Variants in KLRF1 observed in about 807,000 individuals in gnomAD.
The protein encoded by KLRF1 is killer cell lectin like receptor F1.
A neutral mutation model predicts 30.7 loss-of-function variants in KLRF1; 27 were observed. The observed-to-expected ratio is 0.88, with a 90% CI of 0.65 to 1.21. The LOEUF is 1.21. KLRF1 is among the 50% of genes most tolerant of loss of function. The probability of loss-of-function intolerance (pLI) is 0.00; values close to 1 mark genes in which losing one functional copy is unlikely to be tolerated. For missense variants in KLRF1, 246 were observed against 259.3 expected, an observed-to-expected ratio of 0.95 and a Z score of 0.35; for synonymous variants, 92 against 89.3, an observed-to-expected ratio of 1.03 and a Z score of -0.17.
chr12:9,830,790 A>G (rs866161852), intron 1 of KLRF1, among the ~76,000 whole-genome samples: 4 of 152,024 alleles, frequency 2.6e-5, no homozygotes, highest in Admixed American at 6.6e-5. Context: ...ACAGACATTC[A>G]TAAGACTGAT....
At chr12:9,844,037 C>A (rs765042999) in intron 5 of KLRF1, among the ~76,000 whole-genome samples, 1 of 152,154 alleles carries the variant, frequency 6.6e-6, no homozygotes, top group South Asian at 2.1e-4. Flanking sequence ...AACTGCTAAA[C>A]AATATCATGA....
At chr12:9,807,740 CT>C in the KLRF1 span, among the ~76,000 whole-genome samples, 3 of 152,076 alleles carry the variant, frequency 2.0e-5, no homozygotes. Flanking sequence ...CTATCAATGG[CT>C]TTTCTCAGTT....
the KLRF1 span, among the ~76,000 whole-genome samples, chr12:9,820,960 C>T: frequency 6.6e-6 from 1 of 152,144 alleles, no homozygotes; most frequent in African/African-American, 2.4e-5. Context: ...AGAATGGTTG[C>T]CCCATACATG....
At chr12:9,831,241 A>G (rs1867419230) in intron 1 of KLRF1, among the ~76,000 whole-genome samples, 1 of 152,136 alleles carries the variant, frequency 6.6e-6, no homozygotes, top group Non-Finnish European at 1.5e-5. Context: ...TTCAAAAATA[A>G]TCTCAGAAAT....
At chr12:9,811,938 T>A in the KLRF1 span, among the ~76,000 whole-genome samples, 1 of 152,192 alleles carries the variant, frequency 6.6e-6, no homozygotes, top group African/African-American at 2.4e-5. Context: ...TGTTTTAACA[T>A]TAAATCGGGT....
At chr12:9,841,675 G>T in intron 3 of KLRF1, 137 bp from the exon 4 acceptor site, 2 of 593,964 alleles carry the variant, frequency 3.4e-6, no homozygotes, top group Non-Finnish European at 5.4e-6. Flanking sequence ...CATCTTTTGT[G>T]TCTGGACAAT....
At chr12:9,825,532 G>GA (rs371155952), upstream of KLRF1, among the ~76,000 whole-genome samples, 552 of 152,092 alleles carry the variant, frequency 3.6e-3, 3 homozygotes, top group African/African-American at 0.012. Context: ...AAATACTTAT[G>GA]TCTAAAACCC....
At chr12:9,819,298 G>A in the KLRF1 span, among the ~76,000 whole-genome samples, 1 of 152,106 alleles carries the variant, frequency 6.6e-6, no homozygotes, top group Non-Finnish European at 1.5e-5. Context: ...GGCTGAGCAG[G>A]GATTGTCCGC....
intron 3 of KLRF1, among the ~76,000 whole-genome samples, chr12:9,836,441 C>T (rs1261698892): frequency 2.6e-5 from 4 of 152,094 alleles, no homozygotes; most frequent in Non-Finnish European, 5.9e-5. Flanking sequence ...TTAACTCCCT[C>T]TTAGAGTGGA....
At chr12:9,822,499 T>G (rs78199650), upstream of KLRF1, among the ~76,000 whole-genome samples, 1 of 152,070 alleles carries the variant, frequency 6.6e-6, no homozygotes. Context: ...TTGAGAAATA[T>G]AGGATTATGT....
At chr12:9,806,331 G>C in the KLRF1 span, among the ~76,000 whole-genome samples, 1 of 151,952 alleles carries the variant, frequency 6.6e-6, no homozygotes, top group African/African-American at 2.4e-5. Flanking sequence ...CCACATATTT[G>C]TAAATGTCAA....
At chr12:9,843,746 G>A (rs961301053) in intron 5 of KLRF1, among the ~76,000 whole-genome samples, 106 of 152,074 alleles carry the variant, frequency 7.0e-4, no homozygotes, top group Non-Finnish European at 4.4e-5. Flanking sequence ...CGGACAAAGT[G>A]TATTTTCTAA....
At chr12:9,836,141 A>C (rs928211496) in intron 3 of KLRF1, among the ~76,000 whole-genome samples, 15 of 152,008 alleles carry the variant, frequency 9.9e-5, no homozygotes, top group Admixed American at 2.6e-4. Flanking sequence ...TGTGGTGGAG[A>C]TAGCTGGGGA....
At chr12:9,813,101 CAT>C in the KLRF1 span, among the ~76,000 whole-genome samples, 1 of 152,058 alleles carries the variant, frequency 6.6e-6, no homozygotes, top group South Asian at 2.1e-4. Context: ...CTGCCAGTCT[CAT>C]GGCATTCCCT....
At chr12:9,805,729 T>G in the KLRF1 span, among the ~76,000 whole-genome samples, 1 of 152,096 alleles carries the variant, frequency 6.6e-6, no homozygotes, top group South Asian at 2.1e-4. Flanking sequence ...TTTCTATTTC[T>G]TTGAGACTTT....
chr12:9,822,609 C>A (rs1867239210), upstream of KLRF1, among the ~76,000 whole-genome samples: 1 of 152,108 alleles, frequency 6.6e-6, no homozygotes, highest in Admixed American at 6.5e-5. Context: ...GGATCAAATC[C>A]ACACATATGA....
the KLRF1 span, among the ~76,000 whole-genome samples, chr12:9,803,239 G>A: frequency 6.6e-6 from 1 of 152,096 alleles, no homozygotes; most frequent in African/African-American, 2.4e-5. Context: ...AAATGGTGCT[G>A]GGAGAACTAG....
chr12:9,811,505 G>T, the KLRF1 span, among the ~76,000 whole-genome samples: 93 of 152,170 alleles, frequency 6.1e-4, no homozygotes, highest in Non-Finnish European at 1.5e-5. Flanking sequence ...TGCAGAGCCC[G>T]TTATACTCAC....
At chr12:9,807,822 C>T in the KLRF1 span, among the ~76,000 whole-genome samples, 3 of 152,048 alleles carry the variant, frequency 2.0e-5, no homozygotes, top group Non-Finnish European at 2.9e-5. Context: ...TGTAACCAGA[C>T]ATAAGACTCT....
Sources: gnomAD v4.1 joint callset for allele counts (sites outside exome capture counted in the v4.1 genomes callset) on GRCh38, gnomAD v4.1.1 for gene constraint, MANE v1.5 for transcripts, NCBI Gene and HGNC (gene_info 2026-07-23, HGNC 2026-07-21) for gene names.